Variants in CUX2 observed in about 807,000 individuals in gnomAD.
The protein encoded by CUX2 is cut like homeobox 2.
Under a neutral mutation model 144.8 loss-of-function variants are expected in CUX2, and 40 were observed. The ratio of observed to expected loss-of-function variants is 0.28; its 90% CI spans 0.21 to 0.36. The LOEUF (loss-of-function observed/expected upper bound fraction) is 0.36. CUX2 is among the 10% of genes least tolerant of loss of function. The pLI is 1.00. For missense variants in CUX2, 1,615 were observed against 1,994.0 expected, an observed-to-expected ratio of 0.81 and a Z score of 3.62; for synonymous variants, 827 against 875.6, an observed-to-expected ratio of 0.94 and a Z score of 0.98.
intron 1 of CUX2, among the ~76,000 whole-genome samples, chr12:111,080,278 T>G (rs1214411534): frequency 6.6e-6 from 1 of 152,112 alleles, no homozygotes; most frequent in Non-Finnish European, 1.5e-5. Context: ...CAGCCCTCAC[T>G]TCCCTCCCCT....
At position 111,310,389 on chromosome 12, in the gene CUX2, C is replaced by T. The variant is rs528065402; in HGVS notation, c.1607C>T (p.Ala536Val). Residue 536 changes from alanine (A) to valine (V), a missense_variant, in exon 15 of 22, where the codon GCG (alanine) becomes GTG (valine). By Grantham distance (64) the Ala-to-Val change is moderately conservative. This residue lies in a region of CUX2 where 154 missense variants were observed against 148.4 expected (regional missense o/e 1.04). Coordinates refer to ENST00000261726, the MANE Select transcript of CUX2 (RefSeq NM_015267.4). The surrounding 1 kb of genome is among the most constrained non-coding windows in gnomAD (Gnocchi z 7.9). ...GPEPLGGPEP[A>V]DGGGGGAAGP... ...GAGCCACTGGGCGGTCCTGAGCCCG[C>T]GGATGGTGGTGGGGGCGGAGCGGCG... 1.9e-5 allele frequency: 31 copies of T among 1,605,270 alleles called. No individual in the cohort carries two copies. The highest frequency in any genetic ancestry group is 8.9e-5 in the East Asian group (4 of 44,712).
At chr12:111,101,417 C>T (rs909122232) in intron 1 of CUX2, among the ~76,000 whole-genome samples, 1 of 152,224 alleles carries the variant, frequency 6.6e-6, no homozygotes, top group Non-Finnish European at 1.5e-5. Context: ...TTGCAGGGAA[C>T]CTGGTGGCTG....
chr12:111,188,343 G>A (rs1038797630), intron 1 of CUX2, among the ~76,000 whole-genome samples: 1 of 152,194 alleles, frequency 6.6e-6, no homozygotes, highest in Non-Finnish European at 1.5e-5. Context: ...CCTGGGCTGG[G>A]ACATGGCAAG....
chr12:111,240,448 A>G (rs1882966999), intron 3 of CUX2, among the ~76,000 whole-genome samples: 1 of 152,260 alleles, frequency 6.6e-6, no homozygotes. Context: ...CACTCAAGCT[A>G]ACAACCCAGA....
chr12:111,135,364 G>A lies in CUX2; in HGVS notation c.64-78836G>A, dbSNP rs144899942. Among the ~76,000 whole-genome samples, 307 of 152,254 alleles carry A rather than the reference G, an allele frequency of 2.0e-3. 3 individuals are homozygous for A. The highest frequency in any genetic ancestry group is 6.3e-3 in the African/African-American group (263 of 41,552). On this transcript the variant is annotated intron_variant, in intron 1 of 21. Coordinates refer to ENST00000261726, the MANE Select transcript of CUX2 (RefSeq NM_015267.4). ...TATCGGGGAAAGGGCATTCCTAGCTGAGTGAACCACCAATGCAAAATGCAA... is the reference window on the plus strand; with the variant it reads ...TATCGGGGAAAGGGCATTCCTAGCTAAGTGAACCACCAATGCAAAATGCAA...
intron 1 of CUX2, among the ~76,000 whole-genome samples, chr12:111,063,450 G>C (rs1870878096): frequency 6.6e-6 from 1 of 152,128 alleles, no homozygotes; most frequent in African/African-American, 2.4e-5. Flanking sequence ...CGCTGTGCTA[G>C]AGCTCCAGGT....
chr12:111,094,564 C>T (rs1484715849), intron 1 of CUX2, among the ~76,000 whole-genome samples: 3 of 152,146 alleles, frequency 2.0e-5, no homozygotes, highest in Non-Finnish European at 4.4e-5. Flanking sequence ...GTGGTGCAGT[C>T]CCAGCTCACT....
chr12:111,074,062 G>A (rs565043346), intron 1 of CUX2, among the ~76,000 whole-genome samples: 1 of 144,616 alleles, frequency 6.9e-6, no homozygotes, highest in Admixed American at 6.7e-5. Context: ...ATCATACATT[G>A]TTTATCTGAA....
In CUX2 at chr12:111,295,453, G is replaced by A; in HGVS notation, c.637+44G>A. On this transcript the variant is annotated intron_variant, in intron 7 of 21. Transcript: ENST00000261726. The surrounding 1 kb of genome is among the most constrained non-coding windows in gnomAD (Gnocchi z 5.0). ...TGGCCTAGAGGGAGGACTGGGAGGG[G>A]ACGGTAATGCTGTCAACGAGGGGTC... 1 of 1,565,776 alleles carries A rather than the reference G, an allele frequency of 6.4e-7. No individual in the cohort carries two copies. The highest frequency in any genetic ancestry group is 1.1e-5 in the South Asian group (1 of 87,022).
chr12:111,277,213 C>T lies in CUX2; in HGVS notation c.301+13374C>T, dbSNP rs1884920547. On this transcript the variant is annotated intron_variant, in intron 4 of 21. Coordinates refer to ENST00000261726, the MANE Select transcript of CUX2 (RefSeq NM_015267.4). This position sits in a 1 kb window ranked among gnomAD's most constrained non-coding sequence, Gnocchi z 5.0. ...TCTGAACCCAGCTGCCACCCTCGGC[C>T]ATAGCACCCCGCCCTCCCAGCCTGC... 6.6e-6 allele frequency among the ~76,000 whole-genome samples: 1 copy of T among 152,116 alleles called. No homozygotes were observed. The highest frequency in any genetic ancestry group is 6.5e-5 in the Admixed American group (1 of 15,284).
chr12:111,046,827 T>A (rs1168464448), intron 1 of CUX2, among the ~76,000 whole-genome samples: 1 of 152,144 alleles, frequency 6.6e-6, no homozygotes, highest in Non-Finnish European at 1.5e-5. Flanking sequence ...TGGCTGATTT[T>A]TGTATTTTCA....
At chr12:111,082,232 A>C (rs1406288078) in intron 1 of CUX2, among the ~76,000 whole-genome samples, 2 of 152,204 alleles carry the variant, frequency 1.3e-5, no homozygotes, top group East Asian at 3.9e-4. Context: ...TTGTGGACAG[A>C]GCAATTCAGG....
chr12:111,269,859 T>C (rs911595422), intron 4 of CUX2, among the ~76,000 whole-genome samples: 1 of 152,108 alleles, frequency 6.6e-6, no homozygotes, highest in Non-Finnish European at 1.5e-5. Context: ...AGGAGTCTGA[T>C]TTCCCAACTC....
intron 3 of CUX2, among the ~76,000 whole-genome samples, chr12:111,252,168 G>A (rs1366956283): frequency 6.6e-6 from 1 of 152,170 alleles, no homozygotes; most frequent in African/African-American, 2.4e-5. Context: ...TCCAGCCTGG[G>A]TGACAGAGTG....
intron 3 of CUX2, among the ~76,000 whole-genome samples, chr12:111,236,739 A>G (rs1379200269): frequency 6.6e-6 from 1 of 152,230 alleles, no homozygotes; most frequent in Non-Finnish European, 1.5e-5. Context: ...TAATAGGGGG[A>G]GACCTGGGTT....
chr12:111,315,859 A>G (rs1323370014), intron 16 of CUX2, among the ~76,000 whole-genome samples: 2 of 152,148 alleles, frequency 1.3e-5, no homozygotes, highest in Non-Finnish European at 2.9e-5. Flanking sequence ...GTCTCCAAAA[A>G]AGAAAAAAAG....
rs1769156568 is a variant in CUX2 at position 111,178,144 on chromosome 12, AAG to A, written c.64-36052_64-36051del. On this transcript the variant is annotated intron_variant, in intron 1 of 21. Coordinates refer to ENST00000261726, the MANE Select transcript of CUX2 (RefSeq NM_015267.4). The surrounding 1 kb of genome is among the most constrained non-coding windows in gnomAD (Gnocchi z 5.7). ...GCAAAGGTCTGTCTGTGTCTAGAAGAAGAGATTCCAAGATGATCTATTTTATG... is the reference window on the plus strand; with the variant it reads ...GCAAAGGTCTGTCTGTGTCTAGAAGAAGATTCCAAGATGATCTATTTTATG... 6.6e-6 allele frequency among the ~76,000 whole-genome samples: 1 copy of A among 152,186 alleles called. No individual in the cohort carries two copies. The highest frequency in any genetic ancestry group is 2.4e-5 in the African/African-American group (1 of 41,444).
intron 1 of CUX2, among the ~76,000 whole-genome samples, chr12:111,165,831 A>G (rs1335805949): frequency 1.3e-5 from 2 of 152,224 alleles, no homozygotes; most frequent in Non-Finnish European, 2.9e-5. Context: ...CTTTTTCTCC[A>G]GAGAGCTGGT....
At chr12:111,205,052 C>T (rs112328205) in intron 1 of CUX2, among the ~76,000 whole-genome samples, 38 of 152,276 alleles carry the variant, frequency 2.5e-4, no homozygotes, top group Non-Finnish European at 3.2e-4. Flanking sequence ...AATTTACATA[C>T]GGCGCAGGGA....
Sources: allele counts gnomAD v4.1 joint callset (sites outside exome capture counted in the v4.1 genomes callset), GRCh38; gene constraint gnomAD v4.1.1; regional missense constraint gnomAD v4.1.1; non-coding constraint Gnocchi (gnomAD v3.1); transcripts MANE v1.5; gene names NCBI Gene and HGNC (gene_info 2026-07-23, HGNC 2026-07-21).